Variants in ATXN1 observed in about 807,000 individuals in gnomAD.
ATXN1 encodes the protein ataxin 1, also known as ataxin-1.
In ATXN1, 8 loss-of-function variants were observed where a neutral mutation model predicts 56.4. That is an observed-to-expected ratio of 0.14 (90% CI 0.08 to 0.26). The LOEUF (loss-of-function observed/expected upper bound fraction) is 0.26. Among genes scored for constraint, ATXN1 ranks in the 10% least tolerant of loss-of-function variants. ATXN1 has a pLI of 1.00. For synonymous variants in ATXN1, 514 were observed against 494.6 expected (o/e 1.04, Z -0.52); for missense variants, 987 against 1,106.5 (o/e 0.89, Z 1.53).
chr6:16,617,759 T>G (rs1763241631), intron 3 of ATXN1, among the ~76,000 whole-genome samples: 1 of 44,290 alleles, frequency 2.3e-5, no homozygotes, highest in African/African-American at 1.9e-4. Context: ...AGAGAGAAAC[T>G]CTGTCTCAAA....
intron 3 of ATXN1, among the ~76,000 whole-genome samples, chr6:16,610,166 A>AT: frequency 6.6e-6 from 1 of 152,286 alleles, no homozygotes; most frequent in East Asian, 1.9e-4. Context: ...AGATAGCATG[A>AT]TTGATGCATA....
At chr6:16,708,455 A>G (rs1287339874) in intron 2 of ATXN1, among the ~76,000 whole-genome samples, 2 of 152,230 alleles carry the variant, frequency 1.3e-5, no homozygotes, top group African/African-American at 4.8e-5. Context: ...GAAATACAAA[A>G]TACTGAGTTA....
intron 3 of ATXN1, among the ~76,000 whole-genome samples, chr6:16,639,610 G>T (rs760888086): frequency 2.0e-5 from 3 of 147,026 alleles, no homozygotes; most frequent in African/African-American, 7.3e-5. Context: ...CATTGCGCCC[G>T]GCCCCTGGGT....
intron 2 of ATXN1, among the ~76,000 whole-genome samples, chr6:16,721,180 T>C (rs1290107636): frequency 3.9e-5 from 6 of 152,220 alleles, no homozygotes; most frequent in Non-Finnish European, 5.9e-5. Context: ...TGTTCCTCAT[T>C]TGTCTCATGC....
chr6:16,566,479 G>A (rs539774645), intron 4 of ATXN1, among the ~76,000 whole-genome samples: 18 of 152,144 alleles, frequency 1.2e-4, no homozygotes, highest in Non-Finnish European at 2.1e-4. Flanking sequence ...GGGCTCAAGC[G>A]ATCCTCCCGC....
intron 4 of ATXN1, among the ~76,000 whole-genome samples, chr6:16,571,789 T>C (rs927065079): frequency 2.1e-4 from 32 of 152,180 alleles, no homozygotes; most frequent in Admixed American, 1.5e-3. Context: ...GCCTCCCAAG[T>C]AGCTAGGACT....
chr6:16,601,182 G>A (rs909772219), intron 3 of ATXN1, among the ~76,000 whole-genome samples: 8 of 152,230 alleles, frequency 5.3e-5, no homozygotes, highest in Non-Finnish European at 7.3e-5. Flanking sequence ...TAGAAAGCAC[G>A]TCCCAACGTG....
intron 2 of ATXN1, among the ~76,000 whole-genome samples, chr6:16,686,136 T>C (rs1758913015): frequency 1.3e-5 from 2 of 152,240 alleles, no homozygotes; most frequent in South Asian, 4.1e-4. Context: ...CCTGATACTA[T>C]ATTTTGCAGT....
intron 4 of ATXN1, among the ~76,000 whole-genome samples, chr6:16,544,209 C>T (rs1034164439): frequency 3.9e-5 from 6 of 152,206 alleles, no homozygotes; most frequent in African/African-American, 7.2e-5. Flanking sequence ...GAGTGTGTGA[C>T]GAAGGTTGTG....
At chr6:16,654,560 AAAAAAAGAG>A (rs756122720) in intron 3 of ATXN1, among the ~76,000 whole-genome samples, 3,392 of 39,208 alleles carry the variant, frequency 0.087, 89 homozygotes, top group African/African-American at 0.27. Context: ...AAAAAAAAAA[AAAAAAAGAG>A]AGAGAGAGAG....
chr6:16,686,963 T>C (rs188035817), intron 2 of ATXN1, among the ~76,000 whole-genome samples: 17,625 of 152,148 alleles, frequency 0.12, 1,100 homozygotes, highest in Middle Eastern at 0.16. Flanking sequence ...CATCTAGTGT[T>C]TACAATGACA....
chr6:16,757,662 G>A (rs1370072234), intron 1 of ATXN1, among the ~76,000 whole-genome samples: 1 of 151,998 alleles, frequency 6.6e-6, no homozygotes, highest in East Asian at 1.9e-4. Flanking sequence ...AGCTTTGTTG[G>A]CCATAAAATT....
intron 2 of ATXN1, among the ~76,000 whole-genome samples, chr6:16,747,741 G>A (rs1186395276): frequency 6.6e-6 from 1 of 151,804 alleles, no homozygotes; most frequent in African/African-American, 2.4e-5. Context: ...AGCCAGCTAA[G>A]AGAAAGTGAT....
chr6:16,446,118 G>C (rs983938662), intron 6 of ATXN1, among the ~76,000 whole-genome samples: 1 of 151,236 alleles, frequency 6.6e-6, no homozygotes, highest in Non-Finnish European at 1.5e-5. Context: ...CACAATGGTT[G>C]AACTAGTTTA....
chr6:16,584,223 CATATATATAT>C (rs746676585), intron 4 of ATXN1, among the ~76,000 whole-genome samples: 4 of 80,700 alleles, frequency 5.0e-5, no homozygotes, highest in Non-Finnish European at 1.2e-4. Flanking sequence ...CGATATTGGA[CATATATATAT>C]ATATATATAT....
At chr6:16,659,673 G>A (rs142815432) in intron 2 of ATXN1, among the ~76,000 whole-genome samples, 1 of 152,234 alleles carries the variant, frequency 6.6e-6, no homozygotes, top group African/African-American at 2.4e-5. Flanking sequence ...GCTCATTGAC[G>A]CTTAATGGAC....
At position 16,326,864 on chromosome 6, in the gene ATXN1, C is replaced by T; in HGVS notation, c.1447G>A (p.Val483Met). 6.2e-7 allele frequency: 1 copy of T among 1,609,954 alleles called. No homozygotes were observed. The highest frequency in any genetic ancestry group is 8.5e-7 in the Non-Finnish European group (1 of 1,176,996). The change falls in exon 7 of 8, where the codon GTG becomes ATG. Residue 483 changes from valine to methionine, a missense_variant. By Grantham distance (21) the Val-to-Met change is conservative. This residue lies in a region of ATXN1 where 723 missense variants were observed against 791.7 expected (regional missense o/e 0.91). Transcript: ENST00000436367. The surrounding 1 kb of genome is among the most constrained non-coding windows in gnomAD (Gnocchi z 6.6). Reference sequence around the variant, plus strand: ...AGCAGGGGCTGTGTGCCGGGGATCACCAGGTGCTGGGGCAGGCTGCCGGCG... The same window carrying T: ...AGCAGGGGCTGTGTGCCGGGGATCATCAGGTGCTGGGGCAGGCTGCCGGCG... ...TYAGSLPQHL[V>M]IPGTQPLLIP...
At chr6:16,716,606 G>T (rs904804809) in intron 2 of ATXN1, among the ~76,000 whole-genome samples, 1 of 152,142 alleles carries the variant, frequency 6.6e-6, no homozygotes, top group Non-Finnish European at 1.5e-5. Flanking sequence ...ATTCTCTGAC[G>T]TGCAAAGGTA....
At chr6:16,342,254 C>T (rs1182188727) in intron 6 of ATXN1, among the ~76,000 whole-genome samples, 1 of 151,930 alleles carries the variant, frequency 6.6e-6, no homozygotes, top group East Asian at 1.9e-4. Context: ...GTGTTCTAAC[C>T]TCCTTTAATC....
Sources: allele counts gnomAD v4.1 joint callset (sites outside exome capture counted in the v4.1 genomes callset), GRCh38; gene constraint gnomAD v4.1.1; regional missense constraint gnomAD v4.1.1; non-coding constraint Gnocchi (gnomAD v3.1); transcripts MANE v1.5; gene names NCBI Gene and HGNC (gene_info 2026-07-23, HGNC 2026-07-21).